Variants in WBP2NL observed in about 807,000 individuals in gnomAD.
WBP2NL encodes postacrosomal sheath WW domain-binding protein.
In WBP2NL, 27 loss-of-function variants were observed where a neutral mutation model predicts 23.3. The observed-to-expected ratio is 1.16, with a 90% CI of 0.85 to 1.60. The LOEUF is 1.60. WBP2NL is among the 40% of genes most tolerant of loss of function. The pLI, the probability that WBP2NL is intolerant of heterozygous loss-of-function variation, is 0.00. For missense variants in WBP2NL, 370 were observed against 389.5 expected, an observed-to-expected ratio of 0.95 and a Z score of 0.42; for synonymous variants, 151 against 145.9, an observed-to-expected ratio of 1.03 and a Z score of -0.25.
Position 42,022,376 on chromosome 22 carries a change from T to A in WBP2NL, c.514+20T>A. On this transcript the variant is annotated intron_variant, in intron 5 of 5. Transcript: ENST00000328823. ...GTTCAGGTAAGGTATGGCAGAGAGGTTCTTCCTGGAAGGTGGAAAATTATG... is the reference window on the plus strand; with the variant it reads ...GTTCAGGTAAGGTATGGCAGAGAGGATCTTCCTGGAAGGTGGAAAATTATG... 1 of 1,586,920 alleles carries A rather than the reference T, an allele frequency of 6.3e-7. No individual in the cohort carries two copies. Among genetic ancestry groups the A allele is most frequent in the Non-Finnish European group, 8.6e-7 (1 of 1,165,980 alleles).
chr22:42,021,800 T>G (rs1924005163), intron 4 of WBP2NL, among the ~76,000 whole-genome samples: 1 of 150,680 alleles, frequency 6.6e-6, no homozygotes, highest in Admixed American at 6.6e-5. Context: ...TTTTTTTTTT[T>G]TTTTTTTGAG....
chr22:42,038,428 G>T (rs776180700), intron 8 of WBP2NL, among the ~76,000 whole-genome samples: 1 of 152,120 alleles, frequency 6.6e-6, no homozygotes, highest in South Asian at 2.1e-4. Flanking sequence ...ATATTGCCTG[G>T]TAATTTTCTT....
chr22:42,001,823 A>C (rs1429552987), intron 1 of WBP2NL: 11 of 1,275,430 alleles, frequency 8.6e-6, no homozygotes, highest in Non-Finnish European at 1.2e-5. Flanking sequence ...TGTATTGCTT[A>C]TCTGCAGTGA....
Position 41,998,896 on chromosome 22 carries a change from C to A in WBP2NL, c.62+16C>A. ...ACGGTGAAAGGTGCCTGAGGGGAAGCACGGCGTGCTGTCGGAGGAGAGGAG... is the reference window on the plus strand; with the variant it reads ...ACGGTGAAAGGTGCCTGAGGGGAAGAACGGCGTGCTGTCGGAGGAGAGGAG... On this transcript the variant is annotated intron_variant, in intron 1 of 5. Transcript: ENST00000328823. 1 of 1,605,398 alleles carries A rather than the reference C, an allele frequency of 6.2e-7. No individual in the cohort carries two copies. The highest frequency in any genetic ancestry group is 2.2e-5 in the East Asian group (1 of 44,628).
At chr22:42,046,512 G>A (rs1015476519) in intron 8 of WBP2NL, among the ~76,000 whole-genome samples, 1 of 152,128 alleles carries the variant, frequency 6.6e-6, no homozygotes, top group African/African-American at 2.4e-5. Context: ...AAACAGTGAA[G>A]AAATTTTTTA....
chr22:42,048,645 A>G (rs1190240627), intron 8 of WBP2NL, among the ~76,000 whole-genome samples: 1 of 150,796 alleles, frequency 6.6e-6, no homozygotes, highest in African/African-American at 2.4e-5. Context: ...GGTCCCAGCT[A>G]CTCTGGAGGC....
intron 1 of WBP2NL, among the ~76,000 whole-genome samples, chr22:42,013,065 C>T (rs1009774747): frequency 6.6e-6 from 1 of 151,562 alleles, no homozygotes; most frequent in Non-Finnish European, 1.5e-5. Context: ...TTTTGGCCTC[C>T]ATGATTTCAA....
chr22:42,049,976 CAAAAAAAAAAAAAAA>C (rs34787117), intron 8 of WBP2NL, among the ~76,000 whole-genome samples: 2 of 84,420 alleles, frequency 2.4e-5, no homozygotes, highest in East Asian at 4.7e-4. Flanking sequence ...GACTCCGTCT[CAAAAAAAAAAAAAAA>C]AAAAAAAAAG....
chr22:42,005,430 C>T lies in WBP2NL; in HGVS notation c.62+6550C>T, dbSNP rs538159555. On this transcript the variant is annotated intron_variant, in intron 1 of 5. Coordinates refer to ENST00000328823, the MANE Select transcript of WBP2NL (RefSeq NM_152613.3). ...TTGGGAGGCTGAGGCAGGAGAATTG[C>T]TTGAACTCAGGAGGTGGAGGTTGCA... Among the ~76,000 whole-genome samples, 58 of 152,204 alleles carry T rather than the reference C, an allele frequency of 3.8e-4. 2 individuals carry two copies. In the South Asian group the frequency reaches 0.011, roughly 29 times the overall value.
chr22:42,050,748 G>T (rs1925812303), intron 8 of WBP2NL, among the ~76,000 whole-genome samples: 1 of 151,846 alleles, frequency 6.6e-6, no homozygotes, highest in Admixed American at 6.6e-5. Flanking sequence ...ACACATATTA[G>T]AAGATGCTGA....
Position 42,027,917 on chromosome 22 carries a change from G to GA in WBP2NL, c.*740dup, listed in dbSNP as rs1924656085. 7.5e-6 allele frequency: 3 copies of GA among 398,320 alleles called. No individual in the cohort carries two copies. The highest frequency in any genetic ancestry group is 8.8e-5 in the Admixed American group (2 of 22,708). 24.7% of individuals were successfully genotyped at this position (398,320 alleles called of 1,614,324 possible). On this transcript the variant is annotated 3_prime_UTR_variant, in exon 6 of 6. Coordinates refer to ENST00000328823, the MANE Select transcript of WBP2NL (RefSeq NM_152613.3). ...AATAACCAAGGCAATAGCATGGCCA[G>GA]AAAACGTTTGAAAAGATGTTCAGCT...
rs191967456 is a variant in WBP2NL, at chr22:42,002,488, G to A, written c.62+3608G>A. 7.9e-5 allele frequency among the ~76,000 whole-genome samples: 12 copies of A among 152,264 alleles called. No homozygotes were observed. The East Asian group carries it at 2.3e-3, about 29-fold the overall frequency. On this transcript the variant is annotated intron_variant, in intron 1 of 5. Coordinates refer to ENST00000328823, the MANE Select transcript of WBP2NL (RefSeq NM_152613.3). ...AATCCCAGCGACTCAGGAGGCTGAGGCACGAGAATTGCTTGAGCCTGGGAG... is the reference window on the plus strand; with the variant it reads ...AATCCCAGCGACTCAGGAGGCTGAGACACGAGAATTGCTTGAGCCTGGGAG...
chr22:42,032,282 C>T (rs1025958099), downstream of WBP2NL: 4 of 152,512 alleles, frequency 2.6e-5, no homozygotes, highest in African/African-American at 4.8e-5. Flanking sequence ...GGGCTTAGAA[C>T]CAGGGTGTCA....
chr22:42,033,536 G>A (rs181679202), downstream of WBP2NL, among the ~76,000 whole-genome samples: 9 of 152,278 alleles, frequency 5.9e-5, no homozygotes, highest in East Asian at 1.7e-3. Flanking sequence ...ATGAGAATGA[G>A]GTACACAGAC....
intron 1 of WBP2NL, among the ~76,000 whole-genome samples, chr22:42,006,274 G>T (rs1922234693): frequency 6.7e-6 from 1 of 149,704 alleles, no homozygotes; most frequent in South Asian, 2.1e-4. Flanking sequence ...AGGCTGGAGT[G>T]CAGTGGCACG....
chr22:42,039,471 G>A (rs1472532890), intron 8 of WBP2NL, among the ~76,000 whole-genome samples: 1 of 151,576 alleles, frequency 6.6e-6, no homozygotes, highest in African/African-American at 2.4e-5. Context: ...GTGATCATAG[G>A]TGTGAGCCAC....
At position 41,998,827 on chromosome 22, in the gene WBP2NL, GA is replaced by G. The variant is rs1921207507; in HGVS notation, c.11del (p.Asn4IlefsTer20). ...AGGAGGCCCGAAGCAAGATGGCGGT[GA>G]ATCAGAGCCACACCGAGAACCGCCG... The part of the protein sequence containing the change: MAV[N>X]QSHTENRRGA... On this transcript the variant is annotated frameshift_variant, in exon 1 of 6. Transcript: ENST00000328823. LOFTEE classifies it high-confidence loss of function. The G allele has an allele frequency of 3.1e-6, 5 of 1,610,544 alleles. No individual in the cohort carries two copies. The Admixed American group carries it at 6.7e-5, about 22-fold the overall frequency.
At chr22:42,023,189 GTTTTT>G (rs133343) in intron 5 of WBP2NL, among the ~76,000 whole-genome samples, 4 of 149,948 alleles carry the variant, frequency 2.7e-5, no homozygotes, top group Non-Finnish European at 5.9e-5. Flanking sequence ...AAAAAGTGGT[GTTTTT>G]TTTTTTTGGA....
At chr22:42,010,894 G>A (rs935217646) in intron 1 of WBP2NL, among the ~76,000 whole-genome samples, 2 of 152,130 alleles carry the variant, frequency 1.3e-5, no homozygotes, top group Non-Finnish European at 2.9e-5. Flanking sequence ...ATGATCGCAT[G>A]GTTTTTTCCC....
Sources: gnomAD v4.1 joint callset for allele counts (sites outside exome capture counted in the v4.1 genomes callset) on GRCh38, gnomAD v4.1.1 for gene constraint, MANE v1.5 for transcripts, NCBI Gene and HGNC (gene_info 2026-07-23, HGNC 2026-07-21) for gene names.